Variants in CLASP1 observed in about 807,000 individuals in gnomAD.
CLASP1 encodes CLIP-associating protein 1.
A neutral mutation model predicts 192.3 loss-of-function variants in CLASP1; 38 were observed. The ratio of observed to expected loss-of-function variants is 0.20; its 90% CI spans 0.15 to 0.26. The LOEUF (loss-of-function observed/expected upper bound fraction) is 0.26, where lower values mean the gene tolerates loss of function less well. CLASP1 is among the 10% of genes least tolerant of loss of function. The pLI is 1.00. For missense variants in CLASP1, 1,433 were observed against 1,932.5 expected, an observed-to-expected ratio of 0.74 and a Z score of 4.85; for synonymous variants, 691 against 712.8, an observed-to-expected ratio of 0.97 and a Z score of 0.49.
At chr2:121,595,703 T>C (rs2063052343) in intron 2 of CLASP1, among the ~76,000 whole-genome samples, 1 of 152,206 alleles carries the variant, frequency 6.6e-6, no homozygotes, top group Non-Finnish European at 1.5e-5. Flanking sequence ...ACTGAACAAC[T>C]GATGGATTCA....
chr2:121,427,266 T>C (rs1175194653), intron 21 of CLASP1, 138 bp downstream of exon 21: 2 of 1,087,814 alleles, frequency 1.8e-6, no homozygotes, highest in Non-Finnish European at 2.6e-6. Context: ...ACTCTAGAAT[T>C]TGAACACAAA....
chr2:121,432,657 T>G (rs1414070165), intron 19 of CLASP1, among the ~76,000 whole-genome samples: 1 of 152,222 alleles, frequency 6.6e-6, no homozygotes, highest in Non-Finnish European at 1.5e-5. Context: ...TGATAAAGTC[T>G]GATCATTTTT....
intron 29 of CLASP1, 98 bp from the exon 31 acceptor site, chr2:121,397,381 G>GGA: frequency 1.0e-6 from 1 of 1,004,614 alleles, no homozygotes; most frequent in Non-Finnish European, 1.5e-6. Flanking sequence ...CTGGTGAGGG[G>GGA]GATCTCCTTC....
intron 2 of CLASP1, among the ~76,000 whole-genome samples, chr2:121,594,068 G>A (rs2062796225): frequency 6.6e-6 from 1 of 152,066 alleles, no homozygotes; most frequent in Admixed American, 6.5e-5. Context: ...GGAGGCCGAG[G>A]CGGGTGGAGA....
chr2:121,519,903 C>T (rs1196565318), intron 6 of CLASP1, among the ~76,000 whole-genome samples: 1 of 152,210 alleles, frequency 6.6e-6, no homozygotes, highest in African/African-American at 2.4e-5. Context: ...CACTTCTACA[C>T]AGGCTCTCAC....
chr2:121,341,977 CCAACCATA>C (rs2062831520), intron 39 of CLASP1, among the ~76,000 whole-genome samples: 1 of 151,750 alleles, frequency 6.6e-6, no homozygotes, highest in African/African-American at 2.4e-5. Context: ...AGCATCTTCT[CCAACCATA>C]ATGGGATGAA....
chr2:121,340,777 G>T, exon 40 of CLASP1: 1 of 1,009,980 alleles, frequency 9.9e-7, no homozygotes, highest in South Asian at 1.4e-5. Context: ...GTACTGACTG[G>T]GCAGCCGATG....
chr2:121,594,217 G>T, intron 2 of CLASP1, among the ~76,000 whole-genome samples: 1 of 131,854 alleles, frequency 7.6e-6, no homozygotes, highest in Admixed American at 7.5e-5. Context: ...GGAGAATGGC[G>T]TGAACCCGGG....
intron 39 of CLASP1, among the ~76,000 whole-genome samples, chr2:121,343,165 T>C (rs1200627795): frequency 6.6e-6 from 1 of 152,166 alleles, no homozygotes; most frequent in Admixed American, 6.5e-5. Context: ...GAGATACCCA[T>C]CCTCATCTCA....
chr2:121,537,133 T>C lies in CLASP1; in HGVS notation c.196-6808A>G, dbSNP rs558730046. 1.1e-3 allele frequency among the ~76,000 whole-genome samples: 165 copies of C among 152,206 alleles called. 1 individual carries two copies. Among genetic ancestry groups the C allele is most frequent in the Non-Finnish European group, 2.1e-3 (144 of 68,006 alleles). Reference sequence around the variant, plus strand: ...AAGGCCGGGCACAGTGGCTCACACCTGTAATCCCAGCAATTTGAGAGGTCA... The same window carrying C: ...AAGGCCGGGCACAGTGGCTCACACCCGTAATCCCAGCAATTTGAGAGGTCA... On this transcript the variant is annotated intron_variant, in intron 2 of 39. Coordinates refer to ENST00000263710, the Ensembl canonical transcript of CLASP1.
At chr2:121,628,369 A>C in intron 1 of CLASP1, among the ~76,000 whole-genome samples, 1 of 152,142 alleles carries the variant, frequency 6.6e-6, no homozygotes, top group Admixed American at 6.6e-5. Context: ...CATTTTCAAA[A>C]ACGGTCACTT....
intron 1 of CLASP1, among the ~76,000 whole-genome samples, chr2:121,612,575 G>A (rs1457624768): frequency 6.6e-6 from 1 of 151,940 alleles, no homozygotes; most frequent in Non-Finnish European, 1.5e-5. Flanking sequence ...GGAGGAGGGG[G>A]AAGAAGAGGA....
intron 1 of CLASP1, among the ~76,000 whole-genome samples, chr2:121,621,432 C>G (rs954678945): frequency 5.3e-5 from 8 of 152,052 alleles, no homozygotes; most frequent in African/African-American, 9.7e-5. Flanking sequence ...CTAGGCTCAG[C>G]CTGAGTTTTA....
At chr2:121,395,544 C>T (rs1365081469) in intron 30 of CLASP1, among the ~76,000 whole-genome samples, 1 of 152,186 alleles carries the variant, frequency 6.6e-6, no homozygotes, top group Non-Finnish European at 1.5e-5. Context: ...ACATATCAGT[C>T]TATTTCACTG....
rs2062965241 is a variant in CLASP1 at position 121,342,922 on chromosome 2, A to T, written c.4531-1975T>A. ...ACCGCACTCCAGCCTGAGTGACCAAAAATTAATTAATTAATTTATGCATGC... is the reference window on the plus strand; with the variant it reads ...ACCGCACTCCAGCCTGAGTGACCAATAATTAATTAATTAATTTATGCATGC... On this transcript the variant is annotated intron_variant, in intron 39 of 39. Coordinates refer to ENST00000263710, the Ensembl canonical transcript of CLASP1. Among the ~76,000 whole-genome samples, 3 of 152,096 alleles carry T rather than the reference A, an allele frequency of 2.0e-5. No individual in the cohort carries two copies. The South Asian group carries it at 6.2e-4, about 32-fold the overall frequency.
intron 8 of CLASP1, among the ~76,000 whole-genome samples, chr2:121,472,789 A>G (rs1034713220): frequency 2.6e-5 from 4 of 152,240 alleles, no homozygotes; most frequent in African/African-American, 9.6e-5. Flanking sequence ...CCAAACAGCC[A>G]AAGTGGAATG....
At chr2:121,446,575 C>G (rs1444703125) in intron 19 of CLASP1, among the ~76,000 whole-genome samples, 1 of 152,122 alleles carries the variant, frequency 6.6e-6, no homozygotes, top group Non-Finnish European at 1.5e-5. Context: ...CCAGCTAAGT[C>G]CCTAGATTTT....
At chr2:121,471,850 T>C (rs972777308) in intron 8 of CLASP1, among the ~76,000 whole-genome samples, 2 of 152,192 alleles carry the variant, frequency 1.3e-5, no homozygotes, top group South Asian at 4.1e-4. Context: ...TTAATTAGCA[T>C]AGACTTCCCG....
intron 9 of CLASP1, among the ~76,000 whole-genome samples, chr2:121,464,616 A>G (rs1437228240): frequency 6.6e-6 from 1 of 151,914 alleles, no homozygotes; most frequent in Non-Finnish European, 1.5e-5. Flanking sequence ...GCATTTTTTC[A>G]TGTGTTTTTT....
Sources: allele counts gnomAD v4.1 joint callset (sites outside exome capture counted in the v4.1 genomes callset), GRCh38; gene constraint gnomAD v4.1.1; transcripts MANE v1.5; gene names NCBI Gene and HGNC (gene_info 2026-07-23, HGNC 2026-07-21).